Variants in CLIC5 observed in about 807,000 individuals in gnomAD.
CLIC5 encodes CLIC family member 5.
Under a neutral mutation model 24.7 loss-of-function variants are expected in CLIC5, and 20 were observed. That is an observed-to-expected ratio of 0.81 (90% CI 0.57 to 1.18). CLIC5 has a LOEUF of 1.18. CLIC5 is among the 50% of genes most tolerant of loss of function. The probability of loss-of-function intolerance (pLI) is 0.00; values close to 1 mark genes in which losing one functional copy is unlikely to be tolerated. For missense variants in CLIC5, 341 were observed against 326.1 expected, an observed-to-expected ratio of 1.05 and a Z score of -0.35; for synonymous variants, 159 against 135.6, an observed-to-expected ratio of 1.17 and a Z score of -1.20.
chr6:46,097,810 A>G, the CLIC5 span, among the ~76,000 whole-genome samples: 351 of 152,320 alleles, frequency 2.3e-3, 5 homozygotes, highest in Non-Finnish European at 7.2e-4. Flanking sequence ...GTTATAATTT[A>G]ATTCATATTT....
chr6:46,006,037 T>TATATACAC (rs1561998761), intron 1 of CLIC5, among the ~76,000 whole-genome samples: 2 of 138,484 alleles, frequency 1.4e-5, no homozygotes, highest in Non-Finnish European at 3.0e-5. Flanking sequence ...TAAATATATA[T>TATATACAC]ACATGTATAA....
the CLIC5 span, chr6:46,123,136 G>C: frequency 6.6e-6 from 1 of 152,140 alleles, no homozygotes; most frequent in African/African-American, 2.4e-5. Context: ...AATAAAAAGA[G>C]AATTTTAGAC....
intron 4 of CLIC5, among the ~76,000 whole-genome samples, chr6:45,931,940 GTGTGCCAC>G (rs1194713684): frequency 6.6e-6 from 1 of 152,090 alleles, no homozygotes; most frequent in African/African-American, 2.4e-5. Context: ...GATTATAGGT[GTGTGCCAC>G]TGTGCCCAGC....
At chr6:46,114,130 C>A in the CLIC5 span, among the ~76,000 whole-genome samples, 1 of 152,146 alleles carries the variant, frequency 6.6e-6, no homozygotes, top group Non-Finnish European at 1.5e-5. Context: ...AGTAGGCCAG[C>A]AGCCCCAAGA....
chr6:45,973,174 C>G (rs1183494962), intron 1 of CLIC5, among the ~76,000 whole-genome samples: 2 of 152,244 alleles, frequency 1.3e-5, no homozygotes, highest in African/African-American at 4.8e-5. Flanking sequence ...CCTGCACCCC[C>G]TGAAGTTACC....
intron 4 of CLIC5, among the ~76,000 whole-genome samples, chr6:45,929,470 G>A (rs1763640941): frequency 6.6e-6 from 1 of 152,170 alleles, no homozygotes; most frequent in Admixed American, 6.5e-5. Context: ...GCTAGTCAAA[G>A]CAAAACTTTA....
chr6:46,091,044 A>G, the CLIC5 span, among the ~76,000 whole-genome samples: 1 of 152,190 alleles, frequency 6.6e-6, no homozygotes, highest in Non-Finnish European at 1.5e-5. Flanking sequence ...CTCCAACCAC[A>G]TGGCAGCGCG....
chr6:46,063,209 G>A (rs1156314364), intron 1 of CLIC5, among the ~76,000 whole-genome samples: 1 of 152,126 alleles, frequency 6.6e-6, no homozygotes, highest in African/African-American at 2.4e-5. Flanking sequence ...ATGACTACAT[G>A]CCAAACTCCA....
At chr6:45,920,759 T>G (rs1280545454) in intron 4 of CLIC5, 1 of 562,360 alleles carries the variant, frequency 1.8e-6, no homozygotes, top group African/African-American at 2.0e-5. Flanking sequence ...GCAAGCGGGA[T>G]GTAGGAGCCC....
intron 1 of CLIC5, among the ~76,000 whole-genome samples, chr6:45,982,135 G>A (rs962020635): frequency 2.0e-5 from 3 of 152,162 alleles, no homozygotes; most frequent in African/African-American, 7.2e-5. Flanking sequence ...TTAGGGGAAG[G>A]TTTCTGTGTA....
upstream of CLIC5, among the ~76,000 whole-genome samples, chr6:46,017,157 C>T (rs1352735151): frequency 6.6e-6 from 1 of 152,148 alleles, no homozygotes; most frequent in African/African-American, 2.4e-5. Flanking sequence ...TCCCACCCTT[C>T]AGTTCTTTAA....
At chr6:45,957,383 A>G (rs1764680235) in intron 1 of CLIC5, among the ~76,000 whole-genome samples, 1 of 152,198 alleles carries the variant, frequency 6.6e-6, no homozygotes, top group Non-Finnish European at 1.5e-5. Context: ...AAATGGAGGC[A>G]CAGAGAGATA....
At chr6:45,924,764 C>CATATATAT (rs34278266) in intron 4 of CLIC5, among the ~76,000 whole-genome samples, 1 of 150,810 alleles carries the variant, frequency 6.6e-6, no homozygotes, top group Non-Finnish European at 1.5e-5. Flanking sequence ...AGACAGAGCC[C>CATATATAT]ATATATATAT....
chr6:45,971,545 A>T (rs1393053220), intron 1 of CLIC5, among the ~76,000 whole-genome samples: 2 of 152,186 alleles, frequency 1.3e-5, no homozygotes, highest in Admixed American at 1.3e-4. Flanking sequence ...ATGCTACGTG[A>T]TGAACTTCGA....
the CLIC5 span, among the ~76,000 whole-genome samples, chr6:46,117,139 CA>C: frequency 9.7e-4 from 148 of 152,292 alleles, 1 homozygote; most frequent in African/African-American, 3.4e-3. Flanking sequence ...CACAGAGCCC[CA>C]TGTTTCATGC....
At chr6:45,962,566 T>A (rs1364342914) in intron 1 of CLIC5, among the ~76,000 whole-genome samples, 1 of 151,800 alleles carries the variant, frequency 6.6e-6, no homozygotes, top group East Asian at 1.9e-4. Context: ...CCCAGCCAAG[T>A]TGATATATAA....
intron 6 of CLIC5, among the ~76,000 whole-genome samples, chr6:45,890,006 T>A (rs1762336080): frequency 6.6e-6 from 1 of 152,132 alleles, no homozygotes; most frequent in East Asian, 1.9e-4. Context: ...CCAAGACACA[T>A]TAAAGTGAAA....
At chr6:46,065,655 C>G (rs1003870411) in intron 1 of CLIC5, among the ~76,000 whole-genome samples, 1 of 152,060 alleles carries the variant, frequency 6.6e-6, no homozygotes, top group Non-Finnish European at 1.5e-5. Context: ...TGAAAGAAAC[C>G]ACACACAAAA....
At chr6:46,079,199 T>C (rs536542255) in intron 1 of CLIC5, among the ~76,000 whole-genome samples, 1 of 152,202 alleles carries the variant, frequency 6.6e-6, no homozygotes, top group Non-Finnish European at 1.5e-5. Flanking sequence ...ACTGAAATCA[T>C]TTGACTTCAT....
Sources: gnomAD v4.1 joint callset for allele counts (sites outside exome capture counted in the v4.1 genomes callset) on GRCh38, gnomAD v4.1.1 for gene constraint, MANE v1.5 for transcripts, NCBI Gene and HGNC (gene_info 2026-07-23, HGNC 2026-07-21) for gene names.